TMEM8B: variants seen among roughly 807,000 people sequenced by gnomAD.
The protein encoded by TMEM8B is transmembrane protein 8B.
Under a neutral mutation model 49.3 loss-of-function variants are expected in TMEM8B, and 29 were observed. That is an observed-to-expected ratio of 0.59 (90% CI 0.44 to 0.80). The LOEUF (loss-of-function observed/expected upper bound fraction) is 0.80. TMEM8B is among the 30% of genes least tolerant of loss of function. The pLI, the probability that TMEM8B is intolerant of heterozygous loss-of-function variation, is 0.00. For missense variants in TMEM8B, 575 were observed against 658.5 expected (o/e 0.87, Z 1.39); for synonymous variants, 264 against 272.8 (o/e 0.97, Z 0.32).
At chr9:35,852,776 A>G in intron 10 of TMEM8B, 51 bp from the exon 11 acceptor site, 1 of 1,611,252 alleles carries the variant, frequency 6.2e-7, no homozygotes, top group Middle Eastern at 1.7e-4. Flanking sequence ...GGTTTTGTAG[A>G]TCTGGACCTC....
Position 35,841,104 on chromosome 9 carries a change from C to T in TMEM8B, c.907-30C>T. 2.4e-6 allele frequency: 1 copy of T among 415,536 alleles called. No homozygotes were observed. Among genetic ancestry groups the T allele is most frequent in the Non-Finnish European group, 4.4e-6 (1 of 226,374 alleles). The allele number at this position is 415,536 out of a possible 1,614,324, so 25.7% of individuals were successfully genotyped here. A position where few individuals can be genotyped will look rare whatever the true frequency, so the allele number is the denominator to read the frequency against. The stretch of plus-strand genomic sequence containing the variant: ...TTTAGTCACACCCCTGCTGTCTCTC[C>T]CTCTCCTGCCACCCCTGCTTTTGTC... On this transcript the variant is annotated intron_variant, in intron 3 of 12. Transcript: ENST00000643932. This position sits in a 1 kb window ranked among gnomAD's most constrained non-coding sequence, Gnocchi z 5.9.
Position 35,842,342 on chromosome 9 carries a change from C to G in TMEM8B, c.1310-50C>G. On this transcript the variant is annotated intron_variant, in intron 5 of 12. Transcript: ENST00000643932. The surrounding 1 kb of genome is among the most constrained non-coding windows in gnomAD (Gnocchi z 5.6). ...GCTCAGATGTGTTTATGAGTAAGTTCAGGACTGTAAAGGCTGCAGGCCCAA... is the reference window on the plus strand; with the variant it reads ...GCTCAGATGTGTTTATGAGTAAGTTGAGGACTGTAAAGGCTGCAGGCCCAA... The G allele has an allele frequency of 5.8e-6, 8 of 1,374,400 alleles. No individual in the cohort carries two copies. The highest frequency in any genetic ancestry group is 6.8e-6 in the Non-Finnish European group (7 of 1,027,922). The allele number at this position is 1,374,400 out of a possible 1,614,324, so 85.1% of individuals were successfully genotyped here. A position where few individuals can be genotyped will look rare whatever the true frequency, so the allele number is the denominator to read the frequency against.
rs1564018607 is a variant in TMEM8B, at chr9:35,834,459, A to T, written c.509-2A>T. 3 of 415,404 alleles carry T rather than the reference A, an allele frequency of 7.2e-6. No individual in the cohort carries two copies. Among genetic ancestry groups the T allele is most frequent in the Non-Finnish European group, 1.3e-5 (3 of 226,546 alleles). The allele number at this position is 415,404 out of a possible 1,614,324, so 25.7% of individuals were successfully genotyped here. Reference sequence around the variant, plus strand: ...CTCCTTTCTCTCTCTCCTGCTTCCCAGGAGGCCTTTTCCTGACTGATTACT... The same window carrying T: ...CTCCTTTCTCTCTCTCCTGCTTCCCTGGAGGCCTTTTCCTGACTGATTACT... On this transcript the variant is annotated splice_acceptor_variant, in intron 1 of 12. Transcript: ENST00000643932. LOFTEE classifies it high-confidence loss of function.
At chr9:35,833,385 A>G in intron 1 of TMEM8B, 1 of 985,198 alleles carries the variant, frequency 1.0e-6, no homozygotes, top group Non-Finnish European at 1.2e-6. Flanking sequence ...TCTCCAGAGC[A>G]GTCAGATTCC....
At chr9:35,850,257 A>C (rs535256621) in intron 10 of TMEM8B, among the ~76,000 whole-genome samples, 2 of 152,366 alleles carry the variant, frequency 1.3e-5, no homozygotes, top group South Asian at 4.1e-4. Context: ...CCACAGAAAA[A>C]AAACCTTGCA....
intron 3 of TMEM8B, among the ~76,000 whole-genome samples, chr9:35,837,095 A>G (rs1025877974): frequency 6.6e-6 from 1 of 152,128 alleles, no homozygotes; most frequent in African/African-American, 2.4e-5. Flanking sequence ...CTACTATGGC[A>G]TGCTTCCTGT....
Position 35,862,926 on chromosome 9 carries a change from C to T in TMEM8B, c.*9086C>T, listed in dbSNP as rs1217935452. Reference sequence around the variant, plus strand: ...TTCATCACTGTCACCCTCCAGTGACCCGCAGCCAGGAGGTGTCAGTGATTG... The same window carrying T: ...TTCATCACTGTCACCCTCCAGTGACTCGCAGCCAGGAGGTGTCAGTGATTG... On this transcript the variant is annotated 3_prime_UTR_variant, in exon 13 of 13. Transcript: ENST00000643932. 6.6e-6 allele frequency: 1 copy of T among 152,154 alleles called. No individual in the cohort carries two copies. Among genetic ancestry groups the T allele is most frequent in the Non-Finnish European group, 1.5e-5 (1 of 68,040 alleles). The allele number at this position is 152,154 out of a possible 1,614,324, so 9.4% of individuals were successfully genotyped here.
chr9:35,838,053 G>A (rs569461618), intron 3 of TMEM8B, among the ~76,000 whole-genome samples: 8 of 152,266 alleles, frequency 5.3e-5, no homozygotes, highest in African/African-American at 1.9e-4. Flanking sequence ...ACAGGAGAAA[G>A]GATTCTGTTG....
At chr9:35,836,047 A>C (rs1023652778) in intron 3 of TMEM8B, among the ~76,000 whole-genome samples, 15 of 152,204 alleles carry the variant, frequency 9.9e-5, no homozygotes, top group African/African-American at 3.4e-4. Context: ...AGGGTGAAGA[A>C]ACGAGCAAGA....
At chr9:35,849,716 G>A (rs1831968207) in intron 10 of TMEM8B, among the ~76,000 whole-genome samples, 1 of 152,212 alleles carries the variant, frequency 6.6e-6, no homozygotes, top group South Asian at 2.1e-4. Context: ...CCTGGAGTAT[G>A]TAGAAAAAGG....
In TMEM8B at chr9:35,860,877, G is replaced by C. The variant is rs950119234; in HGVS notation, c.*7037G>C. 1 of 152,190 alleles carries C rather than the reference G, an allele frequency of 6.6e-6. No homozygotes were observed. Among genetic ancestry groups the C allele is most frequent in the African/African-American group, 2.4e-5 (1 of 41,432 alleles). The allele number at this position is 152,190 out of a possible 1,614,324, so 9.4% of individuals were successfully genotyped here. On this transcript the variant is annotated 3_prime_UTR_variant, in exon 13 of 13. Coordinates refer to ENST00000643932, the MANE Select transcript of TMEM8B (RefSeq NM_001042590.4). ...TTGTGACCAGCTTTGCAAAGGGAGC[G>C]GTGGGCGAGGCTGTGGTCTCTCCCA...
Position 35,829,399 on chromosome 9 carries a change from C to T in TMEM8B, c.-49C>T, listed in dbSNP as rs989825832. On this transcript the variant is annotated 5_prime_UTR_variant, in exon 1 of 13. Transcript: ENST00000643932. ...TGGGGAGCGGAGCCGCGGGCCAGCT[C>T]TGCGAGCGCCCCGCGCTGGCCTGTC... is the stretch of plus-strand genomic sequence containing the variant. 3 of 343,768 alleles carry T rather than the reference C, an allele frequency of 8.7e-6. No individual in the cohort carries two copies. Among genetic ancestry groups the T allele is most frequent in the Admixed American group, 9.6e-5 (2 of 20,828 alleles). 21.3% of individuals were successfully genotyped at this position (343,768 alleles called of 1,614,324 possible).
chr9:35,853,618 T>C lies in TMEM8B; in HGVS notation c.2553T>C (p.Phe851=). The part of the protein sequence containing the change: ...IAGSAVLLYA[F]VETRDNYFYI... ...GCAGTGCCGTCCTGCTTTATGCTTT[T>C]GTGGAGACCCGGGACAACTACTTCT... The change falls in exon 13 of 13, where the codon TTT becomes TTC. Residue 851 remains phenylalanine, a synonymous_variant. Transcript: ENST00000643932. This position sits in a 1 kb window ranked among gnomAD's most constrained non-coding sequence, Gnocchi z 4.2. 1 of 1,614,262 alleles carries C rather than the reference T, an allele frequency of 6.2e-7. No individual in the cohort carries two copies. Among genetic ancestry groups the C allele is most frequent in the South Asian group, 1.1e-5 (1 of 91,092 alleles).
intron 3 of TMEM8B, among the ~76,000 whole-genome samples, chr9:35,840,682 G>A (rs980426886): frequency 1.3e-5 from 2 of 152,104 alleles, no homozygotes; most frequent in Admixed American, 1.3e-4. Context: ...GGGAGAGTGA[G>A]GGGGCTGGAT....
At position 35,864,576 on chromosome 9, in the gene TMEM8B, G is replaced by C. The variant is rs1393405077; in HGVS notation, c.*10736G>C. On this transcript the variant is annotated 3_prime_UTR_variant, in exon 13 of 13. Coordinates refer to ENST00000643932, the MANE Select transcript of TMEM8B (RefSeq NM_001042590.4). The stretch of plus-strand genomic sequence containing the variant: ...GACGGCAGTATTTCCTTGTGGGCTT[G>C]TTTTAAGGATCCAGTGACAGGAAGC... The C allele has an allele frequency of 1.3e-5, 2 of 152,186 alleles. No homozygotes were observed. Among genetic ancestry groups the C allele is most frequent in the East Asian group, 3.8e-4 (2 of 5,204 alleles). The allele number at this position is 152,186 out of a possible 1,614,324, so 9.4% of individuals were successfully genotyped here. A position where few individuals can be genotyped will look rare whatever the true frequency, so the allele number is the denominator to read the frequency against.
chr9:35,853,416 C>G lies in TMEM8B; in HGVS notation c.2440-89C>G. 1 of 1,530,922 alleles carries G rather than the reference C, an allele frequency of 6.5e-7. No homozygotes were observed. The allele number at this position is 1,530,922 out of a possible 1,614,324, so 94.8% of individuals were successfully genotyped here. A position where few individuals can be genotyped will look rare whatever the true frequency, so the allele number is the denominator to read the frequency against. On this transcript the variant is annotated intron_variant, in intron 12 of 12. Transcript: ENST00000643932. This position sits in a 1 kb window ranked among gnomAD's most constrained non-coding sequence, Gnocchi z 4.2. ...TTGGCAGGTGTCTTTAGGTCACAAC[C>G]AGGATACAGAGGAAACCTGAGAGTG...
intron 1 of TMEM8B, among the ~76,000 whole-genome samples, chr9:35,832,185 G>GTC (rs939009988): frequency 2.0e-5 from 3 of 151,542 alleles, no homozygotes; most frequent in Non-Finnish European, 4.4e-5. Flanking sequence ...GTGTGTGTGT[G>GTC]TGTGTGTGTG....
rs938590227 is a variant in TMEM8B at position 35,836,221 on chromosome 9, C to T, written c.906+1003C>T. ...TGTCTCTAGGCCTCAGTGACAGGGC[C>T]GTTTTTCCTGAGAGTGATGTGGATG... is the stretch of plus-strand genomic sequence containing the variant. On this transcript the variant is annotated intron_variant, in intron 3 of 12. Transcript: ENST00000643932. Among the ~76,000 whole-genome samples the T allele has an allele frequency of 2.6e-5, 4 of 152,216 alleles. 1 individual carries two copies. The South Asian group carries it at 6.2e-4, about 24-fold the overall frequency.
In TMEM8B at chr9:35,846,240, C is replaced by A; in HGVS notation, c.1730-18C>A. ...TGACCCCTCCTCCCTCTCACTGACT[C>A]CTTCCTTCTCCCTTCAGAGTCCCTG... is the stretch of plus-strand genomic sequence containing the variant. On this transcript the variant is annotated intron_variant, in intron 7 of 12. Coordinates refer to ENST00000643932, the MANE Select transcript of TMEM8B (RefSeq NM_001042590.4). 1 of 1,614,000 alleles carries A rather than the reference C, an allele frequency of 6.2e-7. No homozygotes were observed. Among genetic ancestry groups the A allele is most frequent in the East Asian group, 2.2e-5 (1 of 44,882 alleles).
Sources: allele counts gnomAD v4.1 joint callset (sites outside exome capture counted in the v4.1 genomes callset), GRCh38; gene constraint gnomAD v4.1.1; non-coding constraint Gnocchi (gnomAD v3.1); transcripts MANE v1.5; gene names NCBI Gene and HGNC (gene_info 2026-07-23, HGNC 2026-07-21).